Variants in ARHGEF1 observed in about 807,000 individuals in gnomAD.
The protein encoded by ARHGEF1 is Rho guanine nucleotide exchange factor 1, also known as 115 kDa guanine nucleotide exchange factor.
In ARHGEF1, 40 loss-of-function variants were observed where a neutral mutation model predicts 119.7. The observed-to-expected ratio is 0.33, with a 90% CI of 0.26 to 0.44. The LOEUF (loss-of-function observed/expected upper bound fraction) is 0.44. ARHGEF1 is among the 20% of genes least tolerant of loss of function. ARHGEF1 has a pLI of 1.00. For missense variants in ARHGEF1, 976 were observed against 1,268.3 expected, an observed-to-expected ratio of 0.77 and a Z score of 3.50; for synonymous variants, 494 against 521.0, an observed-to-expected ratio of 0.95 and a Z score of 0.71.
chr19:41,915,384 C>A (rs905588400), intron 18 of ARHGEF1, among the ~76,000 whole-genome samples: 2 of 151,684 alleles, frequency 1.3e-5, no homozygotes, highest in Non-Finnish European at 2.9e-5. Context: ...CCCATCGCCT[C>A]TGCCGCCCTG....
At chr19:41,887,918 G>GGCC (rs2074318805) in intron 1 of ARHGEF1, 146 bp from the exon 2 acceptor site, 1 of 931,418 alleles carries the variant, frequency 1.1e-6, no homozygotes, top group South Asian at 1.8e-5. Flanking sequence ...GGCTCTTTGT[G>GGCC]GCCACACAGA....
rs2074397976 is a variant in ARHGEF1, at chr19:41,892,781, C to T, written c.546C>T (p.Asp182=). The part of the protein sequence containing the change: ...LAQLEAWVGR[D]RASYEARERH... ...AGCTGGAGGCTTGGGTTGGGCGGGA[C>T]CGAGCCAGCTACGAGGCCCGGGAGC... Residue 182 remains aspartate (D), a synonymous_variant, in exon 7 of 29, where the codon GAC becomes GAT. Transcript: ENST00000354532. This position sits in a 1 kb window ranked among gnomAD's most constrained non-coding sequence, Gnocchi z 6.3. 1.0e-5 allele frequency: 16 copies of T among 1,602,240 alleles called. No homozygotes were observed. Among genetic ancestry groups the T allele is most frequent in the Non-Finnish European group, 1.4e-5 (16 of 1,176,098 alleles).
At chr19:41,909,970 C>G (rs1568829489), downstream of ARHGEF1, 5 of 1,613,794 alleles carry the variant, frequency 3.1e-6, no homozygotes, top group Non-Finnish European at 4.2e-6. This position sits in a 1 kb window ranked among gnomAD's most constrained non-coding sequence, Gnocchi z 5.2. Flanking sequence ...CCCCGTAGTC[C>G]CCCTGCCAGG....
rs1236095179 is a variant in ARHGEF1 at position 41,902,611 on chromosome 19, C to T, written c.1576C>T (p.Leu526Phe). 3 of 1,614,112 alleles carry T rather than the reference C, an allele frequency of 1.9e-6. No homozygotes were observed. Among genetic ancestry groups the T allele is most frequent in the Non-Finnish European group, 2.5e-6 (3 of 1,180,042 alleles). ...CSRQSFALEQ[L>F]KAKQRKDPRF... Reference sequence around the variant, plus strand: ...CCGCCAGTCATTTGCCTTAGAGCAGCTCAAAGCCAAGCAACGCAAGGACCC... The same window carrying T: ...CCGCCAGTCATTTGCCTTAGAGCAGTTCAAAGCCAAGCAACGCAAGGACCC... The change falls in exon 17 of 29, where the codon CTC becomes TTC. Residue 526 changes from leucine to phenylalanine, a missense_variant. This residue lies in a region of ARHGEF1 where 286 missense variants were observed against 506.8 expected (regional missense o/e 0.56). Coordinates refer to ENST00000354532, the MANE Select transcript of ARHGEF1 (RefSeq NM_004706.4). This position sits in a 1 kb window ranked among gnomAD's most constrained non-coding sequence, Gnocchi z 6.5.
At chr19:41,909,302 G>C, downstream of ARHGEF1, 1 of 1,234,716 alleles carries the variant, frequency 8.1e-7, no homozygotes, top group Non-Finnish European at 1.0e-6. This position sits in a 1 kb window ranked among gnomAD's most constrained non-coding sequence, Gnocchi z 5.2. Flanking sequence ...GGAGCATCTG[G>C]CCCTGGGGCC....
chr19:41,922,772 G>A (rs1207339420), upstream of ARHGEF1, among the ~76,000 whole-genome samples: 1 of 152,208 alleles, frequency 6.6e-6, no homozygotes, highest in Non-Finnish European at 1.5e-5. Flanking sequence ...CAGGCGCGGT[G>A]CTAATTCAGC....
rs1412300560 is a variant in ARHGEF1 at position 41,916,338 on chromosome 19, C to T, written c.1866-6754C>T. On this transcript the variant is annotated intron_variant, in intron 18 of 20. Coordinates refer to the ARHGEF1 transcript ENST00000599589. This position sits in a 1 kb window ranked among gnomAD's most constrained non-coding sequence, Gnocchi z 5.4. ...CACATCACACACACCAACAAAGCAA[C>T]GCATACCACTGCTGCCACACACAAC... 2.6e-5 allele frequency among the ~76,000 whole-genome samples: 4 copies of T among 152,038 alleles called. No homozygotes were observed. Among genetic ancestry groups the T allele is most frequent in the Non-Finnish European group, 5.9e-5 (4 of 68,008 alleles).
At chr19:41,909,941 G>C, downstream of ARHGEF1, 1 of 1,613,900 alleles carries the variant, frequency 6.2e-7, no homozygotes, top group Non-Finnish European at 8.5e-7. This position sits in a 1 kb window ranked among gnomAD's most constrained non-coding sequence, Gnocchi z 5.2. Context: ...CACCTCATCG[G>C]GGTCTTTGAT....
rs1290054428 is a variant in ARHGEF1 at position 41,917,476 on chromosome 19, C to G, written c.1866-5616C>G. Among the ~76,000 whole-genome samples the G allele has an allele frequency of 1.4e-5, 2 of 147,810 alleles. No homozygotes were observed. The highest frequency in any genetic ancestry group is 3.0e-5 in the Non-Finnish European group (2 of 66,948). Reference sequence around the variant, plus strand: ...CCAGCCCCTTCATCCCTCACCCAGGCCCCCCCATCCCCACCTCCCCTTAAC... The same window carrying G: ...CCAGCCCCTTCATCCCTCACCCAGGGCCCCCCATCCCCACCTCCCCTTAAC... On this transcript the variant is annotated intron_variant, in intron 18 of 20. Transcript: ENST00000599589. The surrounding 1 kb of genome is among the most constrained non-coding windows in gnomAD (Gnocchi z 4.8).
At chr19:41,886,396 C>T (rs142424541) in intron 1 of ARHGEF1, among the ~76,000 whole-genome samples, 358 of 152,272 alleles carry the variant, frequency 2.4e-3, no homozygotes, top group African/African-American at 8.0e-3. Context: ...TTCCCTGCCT[C>T]AGTTGAGCGT....
intron 18 of ARHGEF1, chr19:41,912,957 G>C (rs1230758992): frequency 1.8e-6 from 2 of 1,125,332 alleles, no homozygotes; most frequent in African/African-American, 1.6e-5. Context: ...AGGGACACAC[G>C]GGGACGGGGT....
chr19:41,906,626 G>T lies in ARHGEF1; in HGVS notation c.2655+6G>T. On this transcript the variant is annotated splice_donor_region_variant and intron_variant, in intron 27 of 28. Coordinates refer to ENST00000354532, the MANE Select transcript of ARHGEF1 (RefSeq NM_004706.4). This position sits in a 1 kb window ranked among gnomAD's most constrained non-coding sequence, Gnocchi z 4.5. ...AGACCATGAAGCAGCTGGAGGTGGGGCGGGACGGGCCAGGGGTGCCCTGAG... is the reference window on the plus strand; with the variant it reads ...AGACCATGAAGCAGCTGGAGGTGGGTCGGGACGGGCCAGGGGTGCCCTGAG... The T allele has an allele frequency of 6.2e-7, 1 of 1,603,288 alleles. No individual in the cohort carries two copies.
chr19:41,898,923 G>A (rs1166895527), intron 14 of ARHGEF1, among the ~76,000 whole-genome samples: 2 of 152,230 alleles, frequency 1.3e-5, no homozygotes, highest in East Asian at 3.8e-4. Flanking sequence ...TTGTCATGAA[G>A]ATGAGATGAT....
In ARHGEF1 at chr19:41,896,269, G is replaced by A. The variant is rs1279287689; in HGVS notation, c.1016-108G>A. 9.6e-6 allele frequency: 5 copies of A among 520,556 alleles called. No homozygotes were observed. The South Asian group carries it at 1.2e-4, about 13-fold the overall frequency. The allele number at this position is 520,556 out of a possible 1,614,324, so 32.2% of individuals were successfully genotyped here. On this transcript the variant is annotated intron_variant, in intron 12 of 28. Coordinates refer to ENST00000354532, the MANE Select transcript of ARHGEF1 (RefSeq NM_004706.4). Reference sequence around the variant, plus strand: ...CTGAAGTACAGAGCAGCCATGTGGTGTCTGCCAGGCACTGGGTAGCTTTAG... The same window carrying A: ...CTGAAGTACAGAGCAGCCATGTGGTATCTGCCAGGCACTGGGTAGCTTTAG...
At chr19:41,926,712 G>C (rs566432120) in intron 1 of ARHGEF1, among the ~76,000 whole-genome samples, 1 of 152,150 alleles carries the variant, frequency 6.6e-6, no homozygotes, top group East Asian at 1.9e-4. Flanking sequence ...GCGGCCGGCC[G>C]GGAGGGGGGA....
At position 41,905,885 on chromosome 19, in the gene ARHGEF1, G is replaced by A. The variant is rs1183671177; in HGVS notation, c.2405-54G>A. ...GGTTGGGGCTGCCGGGTGAAGAGAG[G>A]CATCCACAGGAGGCCCGGCAGGATC... On this transcript the variant is annotated intron_variant, in intron 25 of 28. Transcript: ENST00000354532. The surrounding 1 kb of genome is among the most constrained non-coding windows in gnomAD (Gnocchi z 6.4). 4 of 1,613,496 alleles carry A rather than the reference G, an allele frequency of 2.5e-6. No homozygotes were observed. In the South Asian group the frequency reaches 3.3e-5, roughly 13 times the overall value.
chr19:41,902,190 G>A lies in ARHGEF1; in HGVS notation c.1415-84G>A. On this transcript the variant is annotated intron_variant, in intron 15 of 28. Transcript: ENST00000354532. This position sits in a 1 kb window ranked among gnomAD's most constrained non-coding sequence, Gnocchi z 6.5. ...AGGATCAGACACAGACACACCTGCA[G>A]CCCTACCCCCACCACACCGCAGCAG... is the stretch of plus-strand genomic sequence containing the variant. The A allele has an allele frequency of 6.3e-7, 1 of 1,576,732 alleles. No homozygotes were observed. Among genetic ancestry groups the A allele is most frequent in the Non-Finnish European group, 8.7e-7 (1 of 1,151,212 alleles).
At position 41,907,258 on chromosome 19, in the gene ARHGEF1, G is replaced by C; in HGVS notation, c.*171G>C. 6.6e-7 allele frequency: 1 copy of C among 1,525,096 alleles called. No individual in the cohort carries two copies. Among genetic ancestry groups the C allele is most frequent in the Non-Finnish European group, 8.8e-7 (1 of 1,140,526 alleles). The allele number at this position is 1,525,096 out of a possible 1,614,324, so 94.5% of individuals were successfully genotyped here. A position where few individuals can be genotyped will look rare whatever the true frequency, so the allele number is the denominator to read the frequency against. ...CCAGCTGGGGTTACTGGCCCCGCAT[G>C]AGCCTCGGCCATCTCTCCCTCCTGC... On this transcript the variant is annotated 3_prime_UTR_variant, in exon 29 of 29. Transcript: ENST00000354532.
In ARHGEF1 at chr19:41,896,386, C is replaced by T. The variant is rs781895882; in HGVS notation, c.1025C>T (p.Ala342Val). The T allele has an allele frequency of 1.5e-5, 21 of 1,432,134 alleles. No individual in the cohort carries two copies. In the African/African-American group the frequency reaches 2.2e-4, roughly 15 times the overall value. The allele number at this position is 1,432,134 out of a possible 1,614,324, so 88.7% of individuals were successfully genotyped here. A position where few individuals can be genotyped will look rare whatever the true frequency, so the allele number is the denominator to read the frequency against. Residue 342 changes from alanine to valine, a missense_variant, in exon 13 of 29, where the codon GCC becomes GTC. Transcript: ENST00000354532. The part of the protein sequence containing the change: ...DSPDREPGAD[A>V]PLELGDSSPQ... ...TCCCTCCACCCCACAGGTGCTGACG[C>T]CCCCCTGGAGCTGGGGGACTCATCC...
Sources: allele counts gnomAD v4.1 joint callset (sites outside exome capture counted in the v4.1 genomes callset), GRCh38; gene constraint gnomAD v4.1.1; regional missense constraint gnomAD v4.1.1; non-coding constraint Gnocchi (gnomAD v3.1); transcripts MANE v1.5; gene names NCBI Gene and HGNC (gene_info 2026-07-23, HGNC 2026-07-21).